Variants in KCNMA1 observed in about 807,000 individuals in gnomAD.
KCNMA1 encodes potassium calcium-activated channel subfamily M alpha 1.
KCNMA1 carries 29 observed loss-of-function variants against 140.0 expected under a neutral mutation model. The ratio of observed to expected loss-of-function variants is 0.21; its 90% CI spans 0.15 to 0.28. The LOEUF is 0.28. Among genes scored for constraint, KCNMA1 ranks in the 10% least tolerant of loss-of-function variants. KCNMA1 has a pLI of 1.00. For synonymous variants in KCNMA1, 612 were observed against 611.9 expected, an observed-to-expected ratio of 1.00 and a Z score of 0.00; for missense variants, 880 against 1,602.2, an observed-to-expected ratio of 0.55 and a Z score of 7.70.
At chr10:77,096,797 TA>T (rs1170428724) in intron 9 of KCNMA1, among the ~76,000 whole-genome samples, 2 of 152,210 alleles carry the variant, frequency 1.3e-5, no homozygotes, top group African/African-American at 4.8e-5. Flanking sequence ...TCTGTAAAAC[TA>T]TAATATTTAT....
chr10:77,189,242 T>A (rs1405706896), intron 3 of KCNMA1, among the ~76,000 whole-genome samples: 1 of 152,118 alleles, frequency 6.6e-6, no homozygotes. Context: ...TAATTATAGG[T>A]GTTGCTGCTC....
intron 3 of KCNMA1, among the ~76,000 whole-genome samples, chr10:77,210,681 AAGGC>A (rs2045769703): frequency 6.6e-6 from 1 of 152,206 alleles, no homozygotes; most frequent in Admixed American, 6.5e-5. Flanking sequence ...ATTCTTATAA[AAGGC>A]TGTTATAACT....
intron 1 of KCNMA1, among the ~76,000 whole-genome samples, chr10:77,602,246 C>G (rs1481319949): frequency 2.0e-5 from 3 of 152,138 alleles, no homozygotes; most frequent in Non-Finnish European, 4.4e-5. Flanking sequence ...TCTGAGCACT[C>G]TCATGTCTGT....
intron 1 of KCNMA1, among the ~76,000 whole-genome samples, chr10:77,483,415 C>T: frequency 6.6e-6 from 1 of 152,212 alleles, no homozygotes. Flanking sequence ...CACAGGCTCT[C>T]ACTTCATCCA....
intron 18 of KCNMA1, among the ~76,000 whole-genome samples, chr10:77,004,252 C>CAA (rs754414787): frequency 7.0e-6 from 1 of 141,980 alleles, no homozygotes; most frequent in Admixed American, 7.0e-5. Flanking sequence ...CACACACACA[C>CAA]AAAATCAGCA....
At chr10:77,134,988 A>T (rs1245320363) in intron 5 of KCNMA1, among the ~76,000 whole-genome samples, 2 of 115,144 alleles carry the variant, frequency 1.7e-5, no homozygotes, top group Non-Finnish European at 3.6e-5. Context: ...ACAGAGCAAG[A>T]CTCTGTCTCA....
chr10:77,029,151 A>G (rs1428804235), intron 15 of KCNMA1, among the ~76,000 whole-genome samples: 1 of 152,248 alleles, frequency 6.6e-6, no homozygotes, highest in Non-Finnish European at 1.5e-5. Context: ...ACACTTACAT[A>G]CTTACAGAAT....
At chr10:77,231,210 C>T (rs2053465483) in intron 3 of KCNMA1, among the ~76,000 whole-genome samples, 1 of 152,118 alleles carries the variant, frequency 6.6e-6, no homozygotes, top group African/African-American at 2.4e-5. Context: ...ATGGACATGT[C>T]GAAGATACAT....
intron 21 of KCNMA1, chr10:76,949,595 A>G (rs2065478163): frequency 1.7e-6 from 1 of 572,686 alleles, no homozygotes; most frequent in African/African-American, 1.9e-5. Context: ...GTATAGCCAT[A>G]CACATTGCTA....
intron 5 of KCNMA1, among the ~76,000 whole-genome samples, chr10:77,155,550 C>CT (rs1215141781): frequency 6.6e-6 from 1 of 152,138 alleles, no homozygotes; most frequent in East Asian, 1.9e-4. Flanking sequence ...TTCTGCCTCC[C>CT]TGGAAGCACG....
intron 2 of KCNMA1, among the ~76,000 whole-genome samples, chr10:77,398,908 G>A (rs2096164559): frequency 1.3e-5 from 2 of 152,070 alleles, no homozygotes; most frequent in African/African-American, 2.4e-5. Context: ...TTATTCTTAG[G>A]GGGATTTAAT....
chr10:77,453,341 G>A (rs1169254492), intron 1 of KCNMA1, among the ~76,000 whole-genome samples: 4 of 137,524 alleles, frequency 2.9e-5, no homozygotes, highest in Admixed American at 2.3e-4. Flanking sequence ...GTTCCAGAAT[G>A]CTAGAGGTAA....
intron 3 of KCNMA1, among the ~76,000 whole-genome samples, chr10:77,244,568 CTGTT>C (rs1373120156): frequency 6.6e-6 from 1 of 152,216 alleles, no homozygotes; most frequent in Non-Finnish European, 1.5e-5. Context: ...TGAAACCAAT[CTGTT>C]TGACAACCAA....
At chr10:77,067,355 T>G (rs1171683558) in intron 14 of KCNMA1, among the ~76,000 whole-genome samples, 1 of 152,160 alleles carries the variant, frequency 6.6e-6, no homozygotes, top group African/African-American at 2.4e-5. Context: ...ACTTTGCTGG[T>G]TCTCAGATTT....
chr10:76,907,820 G>A (rs112764784), intron 25 of KCNMA1, among the ~76,000 whole-genome samples: 3,704 of 152,154 alleles, frequency 0.024, 151 homozygotes, highest in African/African-American at 0.085. Context: ...GGTTACAAGC[G>A]GTAGCCACCG....
At chr10:77,196,462 A>G (rs965135382) in intron 3 of KCNMA1, among the ~76,000 whole-genome samples, 2 of 152,198 alleles carry the variant, frequency 1.3e-5, no homozygotes, top group African/African-American at 4.8e-5. Context: ...ATTACATTTA[A>G]GCTCCTTTCA....
chr10:77,323,359 T>A (rs2082917754), intron 2 of KCNMA1, among the ~76,000 whole-genome samples: 1 of 152,172 alleles, frequency 6.6e-6, no homozygotes, highest in African/African-American at 2.4e-5. Context: ...TGGAAGTCCA[T>A]GGAAGAATAT....
chr10:77,263,477 C>T (rs908049630), intron 2 of KCNMA1, among the ~76,000 whole-genome samples: 2 of 152,160 alleles, frequency 1.3e-5, no homozygotes, highest in Non-Finnish European at 2.9e-5. Flanking sequence ...ACACAGAGGG[C>T]ATCTGGTCCC....
At chr10:77,458,087 G>A (rs1405783046) in intron 1 of KCNMA1, among the ~76,000 whole-genome samples, 5 of 152,222 alleles carry the variant, frequency 3.3e-5, no homozygotes, top group South Asian at 2.1e-4. Flanking sequence ...AAAAAGACCC[G>A]ATTATACAAA....
Sources: allele counts gnomAD v4.1 joint callset (sites outside exome capture counted in the v4.1 genomes callset), GRCh38; gene constraint gnomAD v4.1.1; transcripts MANE v1.5; gene names NCBI Gene and HGNC (gene_info 2026-07-23, HGNC 2026-07-21).